Variants in EPHA6 observed in about 807,000 individuals in gnomAD.
The protein encoded by EPHA6 is ephrin type-A receptor 6.
In EPHA6, 50 loss-of-function variants were observed where a neutral mutation model predicts 112.0. The ratio of observed to expected loss-of-function variants is 0.45; its 90% CI spans 0.36 to 0.56. The LOEUF is 0.56. Among genes scored for constraint, EPHA6 ranks in the 20% least tolerant of loss-of-function variants. The pLI, the probability that EPHA6 is intolerant of heterozygous loss-of-function variation, is 0.00. For synonymous variants in EPHA6, 529 were observed against 490.7 expected (o/e 1.08, Z -1.03); for missense variants, 1,280 against 1,417.4 (o/e 0.90, Z 1.56).
rs1170197805 is a variant in EPHA6, at chr3:96,994,732, T to TATATATATATAGAG, written c.1114+6740_1114+6741insTATATATATAGAGA. On this transcript the variant is annotated intron_variant, in intron 3 of 17. Transcript: ENST00000389672. ...GTGTATATATATATATATATATATA[T>TATATATATATAGAG]AGAGAGAGAGAGAGAGAGAGAGAGA... is the stretch of plus-strand genomic sequence containing the variant. Among the ~76,000 whole-genome samples, 9 of 82,218 alleles carry TATATATATATAGAG rather than the reference T, an allele frequency of 1.1e-4. No individual in the cohort carries two copies. The East Asian group carries it at 1.3e-3, about 12-fold the overall frequency. The allele number at this position is 82,218 out of a possible 152,430, so 53.9% of individuals were successfully genotyped here.
intron 2 of EPHA6, among the ~76,000 whole-genome samples, chr3:96,967,272 C>T (rs1162960766): frequency 2.7e-5 from 4 of 148,940 alleles, no homozygotes; most frequent in Admixed American, 6.7e-5. Context: ...ATATTATATA[C>T]AACTTAATGT....
In EPHA6 at chr3:97,637,984, C is replaced by G. The variant is rs61732635; in HGVS notation, c.2686C>G (p.Arg896Gly). The change falls in exon 14 of 18, where the codon CGG becomes GGG. Residue 896 changes from arginine to glycine, a missense_variant. Coordinates refer to ENST00000389672, the MANE Select transcript of EPHA6 (RefSeq NM_001080448.3). ...MGYVHRDLAA[R>G]NILVNSNLVC... ...TTATGTTCATCGAGACCTAGCGGCT[C>G]GGAATATACTGGTCAATAGCAACTT... is the stretch of plus-strand genomic sequence containing the variant. The G allele has an allele frequency of 6.2e-7, 1 of 1,613,838 alleles. No individual in the cohort carries two copies. Among genetic ancestry groups the G allele is most frequent in the Non-Finnish European group, 8.5e-7 (1 of 1,179,822 alleles).
At chr3:97,280,946 A>G (rs1328042659) in intron 5 of EPHA6, among the ~76,000 whole-genome samples, 1 of 152,166 alleles carries the variant, frequency 6.6e-6, no homozygotes, top group Non-Finnish European at 1.5e-5. Flanking sequence ...ATATTTGGCA[A>G]TTACTCCCTC....
rs557621648 is a variant in EPHA6 at position 97,646,229 on chromosome 3, C to T, written c.2784+8147C>T. 6.5e-6 allele frequency: 10 copies of T among 1,535,520 alleles called. No homozygotes were observed. The African/African-American group carries it at 1.2e-4, about 19-fold the overall frequency. On this transcript the variant is annotated intron_variant, in intron 14 of 17. Coordinates refer to ENST00000389672, the MANE Select transcript of EPHA6 (RefSeq NM_001080448.3). Reference sequence around the variant, plus strand: ...CTGGTTATGGTACTGGACTGGTCCTCATGTGGAAGAGAAACAGAAGGGCCA... The same window carrying T: ...CTGGTTATGGTACTGGACTGGTCCTTATGTGGAAGAGAAACAGAAGGGCCA...
chr3:96,908,548 T>C (rs920775464), intron 2 of EPHA6, among the ~76,000 whole-genome samples: 6 of 151,728 alleles, frequency 4.0e-5, no homozygotes, highest in Non-Finnish European at 7.4e-5. Context: ...GGTAAACTTA[T>C]ATGTTTTCAT....
chr3:96,892,562 A>G (rs1311134140), intron 2 of EPHA6, among the ~76,000 whole-genome samples: 1 of 152,032 alleles, frequency 6.6e-6, no homozygotes, highest in Non-Finnish European at 1.5e-5. Flanking sequence ...AGAACTAGTG[A>G]TATCATCGGG....
At chr3:97,482,425 C>T (rs1215654511) in intron 9 of EPHA6, among the ~76,000 whole-genome samples, 1 of 152,170 alleles carries the variant, frequency 6.6e-6, no homozygotes, top group Admixed American at 6.5e-5. Context: ...TATCTGTTCT[C>T]ATTTTCTTCA....
At chr3:96,853,722 A>AT (rs898671239) in intron 1 of EPHA6, among the ~76,000 whole-genome samples, 30 of 150,186 alleles carry the variant, frequency 2.0e-4, no homozygotes, top group East Asian at 9.8e-4. Flanking sequence ...CCTTTTAATC[A>AT]TTTTTTTTTC....
At chr3:97,571,949 AC>A (rs2093337106) in intron 11 of EPHA6, among the ~76,000 whole-genome samples, 2 of 152,306 alleles carry the variant, frequency 1.3e-5, no homozygotes, top group Non-Finnish European at 2.9e-5. Flanking sequence ...ATATACCTCT[AC>A]TGCCACTTTC....
intron 2 of EPHA6, among the ~76,000 whole-genome samples, chr3:96,972,283 G>A (rs1311942765): frequency 6.6e-6 from 1 of 151,844 alleles, no homozygotes; most frequent in East Asian, 1.9e-4. Context: ...TCTATAACTG[G>A]GATCTGTTAG....
chr3:97,691,642 A>C (rs2107709280), intron 14 of EPHA6, among the ~76,000 whole-genome samples: 1 of 152,318 alleles, frequency 6.6e-6, no homozygotes, highest in Admixed American at 6.5e-5. Context: ...TTATCATAAA[A>C]TTCTTGCTTA....
intron 2 of EPHA6, among the ~76,000 whole-genome samples, chr3:96,974,311 A>T (rs899881170): frequency 2.7e-5 from 4 of 149,562 alleles, no homozygotes; most frequent in African/African-American, 9.7e-5. Flanking sequence ...GAAAATTTAT[A>T]TGTTGATGGG....
At chr3:97,636,453 C>T (rs1478955069) in intron 13 of EPHA6, among the ~76,000 whole-genome samples, 1 of 152,052 alleles carries the variant, frequency 6.6e-6, no homozygotes, top group Non-Finnish European at 1.5e-5. Flanking sequence ...ATCCTTTATA[C>T]ATTAATTATA....
At chr3:97,598,520 G>GT (rs1299685153) in intron 12 of EPHA6, among the ~76,000 whole-genome samples, 1 of 147,896 alleles carries the variant, frequency 6.8e-6, no homozygotes, top group African/African-American at 2.5e-5. Flanking sequence ...GCGGTGTTTG[G>GT]TTTTTTGTTC....
chr3:97,293,450 C>T (rs915052095), intron 5 of EPHA6, among the ~76,000 whole-genome samples: 2 of 152,230 alleles, frequency 1.3e-5, no homozygotes, highest in African/African-American at 4.8e-5. Flanking sequence ...CAGTGAGCGT[C>T]CAGCTCTCTG....
chr3:97,289,384 T>C (rs1257945442), intron 5 of EPHA6, among the ~76,000 whole-genome samples: 1 of 152,158 alleles, frequency 6.6e-6, no homozygotes, highest in East Asian at 1.9e-4. Context: ...AAAGAACAGA[T>C]GGCTGAAGTG....
intron 6 of EPHA6, among the ~76,000 whole-genome samples, chr3:97,429,331 A>C (rs1450472339): frequency 6.6e-6 from 1 of 152,152 alleles, no homozygotes; most frequent in Non-Finnish European, 1.5e-5. Flanking sequence ...CATTTCCTTC[A>C]GAATGAGGGT....
intron 6 of EPHA6, chr3:97,447,811 C>T (rs1044714250): frequency 9.9e-7 from 1 of 1,014,840 alleles, no homozygotes; most frequent in South Asian, 4.6e-5. Context: ...GCCTCAAGCC[C>T]TGCCTCTGAT....
chr3:97,637,380 C>CT (rs912448154), intron 13 of EPHA6, among the ~76,000 whole-genome samples: 5 of 151,460 alleles, frequency 3.3e-5, no homozygotes, highest in Admixed American at 2.6e-4. Context: ...TATACCATCA[C>CT]TTTTTTTTTC....
Sources: allele counts gnomAD v4.1 joint callset (sites outside exome capture counted in the v4.1 genomes callset), GRCh38; gene constraint gnomAD v4.1.1; transcripts MANE v1.5; gene names NCBI Gene and HGNC (gene_info 2026-07-23, HGNC 2026-07-21).